PHLDB2: variants seen among roughly 807,000 people sequenced by gnomAD.
The protein encoded by PHLDB2 is pleckstrin homology like domain family B member 2, also known as pleckstrin homology-like domain family B member 2.
A neutral mutation model predicts 123.6 loss-of-function variants in PHLDB2; 71 were observed. The ratio of observed to expected loss-of-function variants is 0.57; its 90% CI spans 0.47 to 0.70. The LOEUF (loss-of-function observed/expected upper bound fraction) is 0.70. Ranked by LOEUF, PHLDB2 falls within the 30% of genes least tolerant of loss-of-function variation. PHLDB2 has a pLI of 0.00. For missense variants in PHLDB2, 1,446 were observed against 1,519.5 expected (o/e 0.95, Z 0.80); for synonymous variants, 547 against 541.6 (o/e 1.01, Z -0.14).
At chr3:111,966,769 C>T in intron 14 of PHLDB2, 66 bp downstream of exon 14, 2 of 1,204,546 alleles carry the variant, frequency 1.7e-6, no homozygotes, top group Non-Finnish European at 1.2e-6. Flanking sequence ...CGCTTGGCAT[C>T]AGACAATACT....
At chr3:111,959,138 C>T (rs910430656) in intron 12 of PHLDB2, among the ~76,000 whole-genome samples, 1 of 152,252 alleles carries the variant, frequency 6.6e-6, no homozygotes, top group Admixed American at 6.5e-5. Flanking sequence ...TCTTCTATGA[C>T]GTTTCCTCTG....
intron 7 of PHLDB2, among the ~76,000 whole-genome samples, chr3:111,940,024 G>A (rs1248854140): frequency 1.3e-5 from 2 of 152,162 alleles, no homozygotes; most frequent in South Asian, 2.1e-4. Context: ...ACCATTAGAA[G>A]TAGAATGCCA....
chr3:111,878,541 A>G (rs55921603), intron 1 of PHLDB2, among the ~76,000 whole-genome samples: 17,208 of 152,138 alleles, frequency 0.11, 1,119 homozygotes, highest in Non-Finnish European at 0.15. Flanking sequence ...AATACCCTGT[A>G]TTTCTTTCTG....
chr3:111,748,675 C>A (rs1194311807), intron 1 of PHLDB2, among the ~76,000 whole-genome samples: 2 of 152,112 alleles, frequency 1.3e-5, no homozygotes, highest in African/African-American at 4.8e-5. Context: ...GCACACACCA[C>A]CATACCCGGC....
In PHLDB2 at chr3:111,967,780, T is replaced by C. The variant is rs2071873311; in HGVS notation, c.3271T>C (p.Leu1091=). Residue 1091 remains leucine, a synonymous_variant, in exon 15 of 18, where the codon TTA becomes CTA. Transcript: ENST00000431670. ...GGAAGAAACTAGCCAGAGGCAGAAG[T>C]TAATAGAAAAGGAAGTAAAAATAAG... ...LQEETSQRQK[L]IEKEVKIRER... is the part of the protein sequence containing the mutation. 3 of 1,611,274 alleles carry C rather than the reference T, an allele frequency of 1.9e-6. No individual in the cohort carries two copies. The highest frequency in any genetic ancestry group is 2.5e-6 in the Non-Finnish European group (3 of 1,179,140).
intron 1 of PHLDB2, among the ~76,000 whole-genome samples, chr3:111,819,519 C>T (rs1396753698): frequency 6.6e-6 from 1 of 152,212 alleles, no homozygotes; most frequent in Admixed American, 6.5e-5. Context: ...ACCTGGGGGA[C>T]AATGAGTACA....
intron 1 of PHLDB2, among the ~76,000 whole-genome samples, chr3:111,836,975 A>T (rs912802571): frequency 3.3e-5 from 5 of 152,338 alleles, no homozygotes; most frequent in African/African-American, 1.2e-4. Flanking sequence ...AGTGGTTAAC[A>T]TTATAGACTT....
At chr3:111,851,761 C>T (rs1016963935) in intron 2 of PHLDB2, among the ~76,000 whole-genome samples, 3 of 152,090 alleles carry the variant, frequency 2.0e-5, no homozygotes, top group African/African-American at 4.8e-5. Flanking sequence ...AAATGGTATT[C>T]GATGCGAAGC....
At chr3:111,799,341 A>T (rs577676417) in intron 1 of PHLDB2, among the ~76,000 whole-genome samples, 9 of 152,356 alleles carry the variant, frequency 5.9e-5, no homozygotes, top group African/African-American at 2.2e-4. Context: ...CACAATTTGA[A>T]CACAGACTGC....
chr3:111,879,473 C>A (rs1296324318), intron 1 of PHLDB2, among the ~76,000 whole-genome samples: 1 of 152,088 alleles, frequency 6.6e-6, no homozygotes, highest in Non-Finnish European at 1.5e-5. Flanking sequence ...TCCTCTTCGT[C>A]TTCATGTTGA....
chr3:111,813,000 G>C (rs544559407), intron 1 of PHLDB2, among the ~76,000 whole-genome samples: 1 of 152,250 alleles, frequency 6.6e-6, no homozygotes, highest in East Asian at 1.9e-4. Flanking sequence ...TCCTTTCTCA[G>C]ACTAGAAGCT....
intron 1 of PHLDB2, among the ~76,000 whole-genome samples, chr3:111,827,048 A>T (rs1400474143): frequency 2.0e-5 from 3 of 152,230 alleles, no homozygotes; most frequent in Non-Finnish European, 2.9e-5. Context: ...AAGAGAAAAA[A>T]GGAAAGGAAA....
intron 3 of PHLDB2, 66 bp from the exon 4 acceptor site, chr3:111,919,006 C>A: frequency 6.4e-7 from 1 of 1,550,802 alleles, no homozygotes; most frequent in Non-Finnish European, 8.9e-7. Context: ...GGATGGTTTA[C>A]AAGTCAAGTT....
intron 8 of PHLDB2, among the ~76,000 whole-genome samples, chr3:111,944,006 T>C (rs1255306688): frequency 1.3e-5 from 2 of 152,190 alleles, no homozygotes. Flanking sequence ...GGAGCATGGA[T>C]AAGCAAATTG....
intron 13 of PHLDB2, among the ~76,000 whole-genome samples, chr3:111,965,508 A>G (rs1158776932): frequency 6.6e-6 from 1 of 152,242 alleles, no homozygotes; most frequent in Non-Finnish European, 1.5e-5. Flanking sequence ...TCTATAACCA[A>G]GAGGTCTCTG....
intron 1 of PHLDB2, among the ~76,000 whole-genome samples, chr3:111,752,809 C>A (rs939562910): frequency 5.9e-5 from 9 of 151,660 alleles, no homozygotes; most frequent in African/African-American, 2.2e-4. Flanking sequence ...TGCCCCCACC[C>A]CACAACAGTC....
chr3:111,820,676 A>G (rs1175233809), intron 1 of PHLDB2, among the ~76,000 whole-genome samples: 1 of 152,222 alleles, frequency 6.6e-6, no homozygotes, highest in Non-Finnish European at 1.5e-5. Flanking sequence ...GCCCTGAACA[A>G]GGAAGTTGGG....
intron 12 of PHLDB2, chr3:111,957,664 G>A (rs888269980): frequency 1.3e-5 from 2 of 152,228 alleles, no homozygotes; most frequent in African/African-American, 2.4e-5. Context: ...AAGGATGAAA[G>A]GATTTAGGAA....
chr3:111,950,154 C>A (rs1290936464), intron 10 of PHLDB2, among the ~76,000 whole-genome samples: 1 of 152,100 alleles, frequency 6.6e-6, no homozygotes, highest in Admixed American at 6.6e-5. Context: ...TACCATTCAA[C>A]CAAAATATTG....
Sources: allele counts gnomAD v4.1 joint callset (sites outside exome capture counted in the v4.1 genomes callset), GRCh38; gene constraint gnomAD v4.1.1; transcripts MANE v1.5; gene names NCBI Gene and HGNC (gene_info 2026-07-23, HGNC 2026-07-21).